Variants in SLC1A2 observed in about 807,000 individuals in gnomAD.
The protein encoded by SLC1A2 is excitatory amino acid transporter 2.
SLC1A2 carries 15 observed loss-of-function variants against 48.8 expected under a neutral mutation model. That is an observed-to-expected ratio of 0.31 (90% CI 0.21 to 0.47). The LOEUF (loss-of-function observed/expected upper bound fraction) is 0.47. SLC1A2 is among the 20% of genes least tolerant of loss of function. SLC1A2 has a pLI of 0.99. For missense variants in SLC1A2, 502 were observed against 730.5 expected (o/e 0.69, Z 3.61); for synonymous variants, 279 against 272.6 (o/e 1.02, Z -0.23).
intron 1 of SLC1A2, among the ~76,000 whole-genome samples, chr11:35,373,783 C>A (rs1046682318): frequency 2.6e-5 from 4 of 152,188 alleles, no homozygotes; most frequent in African/African-American, 9.7e-5. Flanking sequence ...CACAGCATCC[C>A]AGAGTCATAT....
chr11:35,289,584 T>G (rs925497790), intron 7 of SLC1A2, among the ~76,000 whole-genome samples: 1 of 152,202 alleles, frequency 6.6e-6, no homozygotes, highest in Non-Finnish European at 1.5e-5. Context: ...TCACCTTGTC[T>G]TATAAAGTTA....
chr11:35,389,666 C>T (rs1437119100), intron 1 of SLC1A2, among the ~76,000 whole-genome samples: 1 of 152,086 alleles, frequency 6.6e-6, no homozygotes, highest in Non-Finnish European at 1.5e-5. Context: ...AGACAGAGTT[C>T]ACCATGTTGT....
intron 1 of SLC1A2, among the ~76,000 whole-genome samples, chr11:35,363,119 C>G (rs577836619): frequency 1.3e-5 from 2 of 152,278 alleles, no homozygotes; most frequent in South Asian, 2.1e-4. Context: ...TATTGCACAC[C>G]CTGCCTCTCA....
intron 1 of SLC1A2, among the ~76,000 whole-genome samples, chr11:35,400,872 A>AG (rs1461122080): frequency 6.6e-6 from 1 of 152,164 alleles, no homozygotes; most frequent in Non-Finnish European, 1.5e-5. Context: ...CATGTGCCCA[A>AG]GGGGGTTGGG....
chr11:35,338,646 C>T (rs1281757627), intron 1 of SLC1A2, among the ~76,000 whole-genome samples: 1 of 152,104 alleles, frequency 6.6e-6, no homozygotes, highest in Non-Finnish European at 1.5e-5. Context: ...TGTTTGAGGA[C>T]AAGGAGATAT....
chr11:35,301,511 C>A lies in SLC1A2; in HGVS notation c.857+8G>T. 6.2e-7 allele frequency: 1 copy of A among 1,613,040 alleles called. No individual in the cohort carries two copies. Among genetic ancestry groups the A allele is most frequent in the Non-Finnish European group, 8.5e-7 (1 of 1,179,366 alleles). ...CCACTGCTAAGAAGTAAGAACAAGGCCACTTACCACATGATCATGATCACT... is the reference window on the plus strand; with the variant it reads ...CCACTGCTAAGAAGTAAGAACAAGGACACTTACCACATGATCATGATCACT... On this transcript the variant is annotated splice_region_variant and intron_variant, in intron 6 of 10. Transcript: ENST00000278379.
At chr11:35,391,596 A>T (rs1215796199) in intron 1 of SLC1A2, 1 of 152,272 alleles carries the variant, frequency 6.6e-6, no homozygotes, top group African/African-American at 2.4e-5. Context: ...AGCCCACCTG[A>T]CCGTCAACCA....
chr11:35,304,931 C>T (rs1851459168), intron 5 of SLC1A2, among the ~76,000 whole-genome samples: 1 of 152,174 alleles, frequency 6.6e-6, no homozygotes, highest in Non-Finnish European at 1.5e-5. Flanking sequence ...GACAACCCAA[C>T]TAAGGAGACA....
chr11:35,264,333 T>C (rs1431392430), intron 10 of SLC1A2, among the ~76,000 whole-genome samples: 2 of 152,136 alleles, frequency 1.3e-5, no homozygotes, highest in Non-Finnish European at 2.9e-5. Flanking sequence ...CCAGAAGTAA[T>C]ATAGGAAGAA....
Position 35,301,530 on chromosome 11 carries a change from G to A in SLC1A2, c.846C>T (p.Ile282=), listed in dbSNP as rs376593061. The change falls in exon 6 of 11, where the codon ATC becomes ATT. Residue 282 remains isoleucine, a synonymous_variant. Transcript: ENST00000278379. ...ACAAGGCCACTTACCACATGATCAT[G>A]ATCACTAACTTCATTACAATCTCAT... ...ILNEIVMKLV[I]MIMWYSPLGI... The A allele has an allele frequency of 7.4e-6, 12 of 1,613,456 alleles. No homozygotes were observed. In the African/African-American group the frequency reaches 1.1e-4, roughly 14 times the overall value.
intron 1 of SLC1A2, among the ~76,000 whole-genome samples, chr11:35,395,249 A>G (rs1854915311): frequency 6.6e-6 from 1 of 152,080 alleles, no homozygotes; most frequent in Non-Finnish European, 1.5e-5. Context: ...ACTTCCTGTC[A>G]AAAGTTTAGG....
chr11:35,317,595 C>T (rs1031483008), intron 1 of SLC1A2, 79 bp from the exon 2 acceptor site: 5 of 1,502,444 alleles, frequency 3.3e-6, no homozygotes, highest in Admixed American at 1.8e-5. Flanking sequence ...TAGTAGGAAC[C>T]TCTCCAGGCA....
intron 1 of SLC1A2, among the ~76,000 whole-genome samples, chr11:35,379,470 G>T (rs1304005213): frequency 6.6e-6 from 1 of 152,128 alleles, no homozygotes; most frequent in Non-Finnish European, 1.5e-5. Context: ...CACCCACAAA[G>T]AACATGGCAC....
At chr11:35,343,181 T>G (rs1852905342) in intron 1 of SLC1A2, among the ~76,000 whole-genome samples, 1 of 152,176 alleles carries the variant, frequency 6.6e-6, no homozygotes, top group Non-Finnish European at 1.5e-5. Context: ...AAAAGGAAAC[T>G]GTTGAATTAG....
intron 4 of SLC1A2, among the ~76,000 whole-genome samples, chr11:35,311,382 A>T (rs1851683665): frequency 6.6e-6 from 1 of 152,086 alleles, no homozygotes. Flanking sequence ...CTGGTTTTGA[A>T]TTCCTAACCT....
At chr11:35,344,394 C>A (rs1214328563) in intron 1 of SLC1A2, among the ~76,000 whole-genome samples, 1 of 152,166 alleles carries the variant, frequency 6.6e-6, no homozygotes, top group Non-Finnish European at 1.5e-5. Context: ...GAAGGAACAG[C>A]AAGTGCAAAG....
chr11:35,397,556 G>A (rs1050250676), intron 1 of SLC1A2, among the ~76,000 whole-genome samples: 7 of 151,830 alleles, frequency 4.6e-5, no homozygotes, highest in Non-Finnish European at 8.8e-5. Flanking sequence ...TTAAACGTTA[G>A]ACCTAAAACC....
intron 1 of SLC1A2, among the ~76,000 whole-genome samples, chr11:35,386,942 T>C (rs1854601607): frequency 6.6e-6 from 1 of 152,196 alleles, no homozygotes; most frequent in African/African-American, 2.4e-5. Flanking sequence ...TCCCCCTTTT[T>C]TATTTGTTGT....
chr11:35,261,480 G>C (rs1370843220), intron 10 of SLC1A2, among the ~76,000 whole-genome samples: 1 of 152,074 alleles, frequency 6.6e-6, no homozygotes, highest in African/African-American at 2.4e-5. Context: ...AGATTAAAAA[G>C]AAAAGTAGGG....
Sources: gnomAD v4.1 joint callset for allele counts (sites outside exome capture counted in the v4.1 genomes callset) on GRCh38, gnomAD v4.1.1 for gene constraint, MANE v1.5 for transcripts, NCBI Gene and HGNC (gene_info 2026-07-23, HGNC 2026-07-21) for gene names.